Variants in NEGR1 observed in about 807,000 individuals in gnomAD.
NEGR1 encodes the protein IgLON family member 4.
NEGR1 carries 10 observed loss-of-function variants against 40.9 expected under a neutral mutation model. That is an observed-to-expected ratio of 0.24 (90% CI 0.15 to 0.42). The LOEUF is 0.42. Among genes scored for constraint, NEGR1 ranks in the 10% least tolerant of loss-of-function variants. The probability of loss-of-function intolerance (pLI) is 1.00; values close to 1 mark genes in which losing one functional copy is unlikely to be tolerated. For synonymous variants in NEGR1, 185 were observed against 166.8 expected (o/e 1.11, Z -0.84); for missense variants, 352 against 438.9 (o/e 0.80, Z 1.77).
intron 1 of NEGR1, among the ~76,000 whole-genome samples, chr1:72,249,054 C>A (rs1655000623): frequency 6.6e-6 from 1 of 152,122 alleles, no homozygotes; most frequent in Non-Finnish European, 1.5e-5. Context: ...TATGTTGAAA[C>A]CCATCACCTA....
chr1:72,243,690 A>G (rs1654819450), intron 1 of NEGR1, among the ~76,000 whole-genome samples: 1 of 151,830 alleles, frequency 6.6e-6, no homozygotes, highest in South Asian at 2.1e-4. Context: ...AACAAATTAT[A>G]AAACCAAAGT....
chr1:71,991,642 C>G (rs1485273389), intron 1 of NEGR1, among the ~76,000 whole-genome samples: 1 of 151,564 alleles, frequency 6.6e-6, no homozygotes, highest in Non-Finnish European at 1.5e-5. Context: ...TATACTCTAA[C>G]TGATATCTGC....
intron 1 of NEGR1, among the ~76,000 whole-genome samples, chr1:72,095,573 G>A (rs1199481933): frequency 6.6e-6 from 1 of 151,956 alleles, no homozygotes; most frequent in Non-Finnish European, 1.5e-5. Flanking sequence ...TATTTTAAAT[G>A]CCAAGTTTCC....
At chr1:71,593,587 C>A (rs1161828960) in intron 5 of NEGR1, among the ~76,000 whole-genome samples, 1 of 152,098 alleles carries the variant, frequency 6.6e-6, no homozygotes, top group Non-Finnish European at 1.5e-5. Flanking sequence ...AGGAATGTGC[C>A]ATGGAAAGAC....
intron 1 of NEGR1, among the ~76,000 whole-genome samples, chr1:72,085,007 C>T (rs974739882): frequency 6.2e-4 from 95 of 152,054 alleles, no homozygotes; most frequent in Admixed American, 2.1e-3. Flanking sequence ...AAAATGAAAA[C>T]GTGAGACACT....
chr1:72,021,221 G>A (rs967809550), intron 1 of NEGR1, among the ~76,000 whole-genome samples: 6 of 151,998 alleles, frequency 3.9e-5, no homozygotes, highest in Non-Finnish European at 8.8e-5. Flanking sequence ...AGAGAAAAAA[G>A]AACTGAACAC....
intron 1 of NEGR1, among the ~76,000 whole-genome samples, chr1:72,176,710 A>G (rs1006244523): frequency 6.6e-6 from 1 of 152,086 alleles, no homozygotes; most frequent in African/African-American, 2.4e-5. Context: ...TGGCTAGGAT[A>G]CAAAATGGAA....
chr1:71,901,424 G>A (rs114700047), intron 2 of NEGR1, among the ~76,000 whole-genome samples: 3,059 of 152,076 alleles, frequency 0.02, 62 homozygotes, highest in South Asian at 0.1. Context: ...GCCTCTTGGG[G>A]CTATTTTGTA....
At chr1:71,945,828 T>A (rs11209873) in intron 1 of NEGR1, among the ~76,000 whole-genome samples, 32,472 of 152,082 alleles carry the variant, frequency 0.21, 4,062 homozygotes, top group East Asian at 0.53. Flanking sequence ...GTAGCTTCTA[T>A]TTTGGTATAA....
rs58841932 is a variant in NEGR1, at chr1:72,231,615, T to A, written c.176+50704A>T. Among the ~76,000 whole-genome samples, 4 of 152,292 alleles carry A rather than the reference T, an allele frequency of 2.6e-5. No homozygotes were observed. In the East Asian group the frequency reaches 7.7e-4, roughly 29 times the overall value. The stretch of plus-strand genomic sequence containing the variant: ...TTGACATGTGATTAATTTATCATTA[T>A]TTTTCCCCAATGACTTTGTAATGAT... On this transcript the variant is annotated intron_variant, in intron 1 of 6. Transcript: ENST00000357731.
chr1:71,914,482 T>C (rs1015899146), intron 2 of NEGR1, among the ~76,000 whole-genome samples: 6 of 152,214 alleles, frequency 3.9e-5, no homozygotes, highest in African/African-American at 1.4e-4. Context: ...CTTTAAATTA[T>C]TTCCATTCAT....
At chr1:71,569,087 T>G (rs1338594513) in intron 6 of NEGR1, among the ~76,000 whole-genome samples, 2 of 152,048 alleles carry the variant, frequency 1.3e-5, no homozygotes, top group African/African-American at 4.8e-5. Context: ...CGGCTAATTT[T>G]TTGTATTTTT....
At chr1:72,104,395 C>G (rs763968158) in intron 1 of NEGR1, among the ~76,000 whole-genome samples, 1 of 151,956 alleles carries the variant, frequency 6.6e-6, no homozygotes, top group South Asian at 2.1e-4. Flanking sequence ...GCCCAAATGA[C>G]GTGATTGCTG....
intron 3 of NEGR1, among the ~76,000 whole-genome samples, chr1:71,712,696 T>A (rs1654140243): frequency 6.6e-6 from 1 of 152,156 alleles, no homozygotes; most frequent in South Asian, 2.1e-4. Context: ...TAGTTTGGAT[T>A]TGAGTCCCTG....
chr1:72,148,411 G>A (rs1179640086), intron 1 of NEGR1, among the ~76,000 whole-genome samples: 7 of 151,990 alleles, frequency 4.6e-5, no homozygotes, highest in African/African-American at 1.7e-4. Context: ...TCTCTAGGTC[G>A]TGAAGTTTTC....
chr1:71,447,442 T>C (rs1646590649), intron 6 of NEGR1, among the ~76,000 whole-genome samples: 1 of 152,214 alleles, frequency 6.6e-6, no homozygotes, highest in South Asian at 2.1e-4. Flanking sequence ...CTTAGTCCCA[T>C]ATGATGCTAT....
At position 71,762,421 on chromosome 1, in the gene NEGR1, G is replaced by A. The variant is rs148473444; in HGVS notation, c.535+13751C>T. Among the ~76,000 whole-genome samples, 534 of 152,212 alleles carry A rather than the reference G, an allele frequency of 3.5e-3. 4 individuals carry two copies. The highest frequency in any genetic ancestry group is 0.012 in the African/African-American group (511 of 41,568). On this transcript the variant is annotated intron_variant, in intron 3 of 6. Transcript: ENST00000357731. ...GCATATGTTGTATCAACTATAGGCT[G>A]TCTGCAAGAGACTCACTTAAAATAG... is the stretch of plus-strand genomic sequence containing the variant.
At chr1:71,441,642 A>G (rs1441151483) in intron 6 of NEGR1, among the ~76,000 whole-genome samples, 1 of 152,194 alleles carries the variant, frequency 6.6e-6, no homozygotes, top group East Asian at 1.9e-4. Flanking sequence ...TCTGTATTAT[A>G]GCTATCTGAG....
chr1:71,953,605 G>T (rs1047226268), intron 1 of NEGR1, among the ~76,000 whole-genome samples: 2 of 151,976 alleles, frequency 1.3e-5, no homozygotes, highest in African/African-American at 2.4e-5. Context: ...CTATCAAAAA[G>T]TATTGGATGG....
Sources: gnomAD v4.1 joint callset for allele counts (sites outside exome capture counted in the v4.1 genomes callset) on GRCh38, gnomAD v4.1.1 for gene constraint, MANE v1.5 for transcripts, NCBI Gene and HGNC (gene_info 2026-07-23, HGNC 2026-07-21) for gene names.